LRBA: variants seen among roughly 807,000 people sequenced by gnomAD.
LRBA encodes the protein LPS responsive beige-like anchor protein, also known as lipopolysaccharide-responsive and beige-like anchor protein.
Under a neutral mutation model 330.0 loss-of-function variants are expected in LRBA, and 176 were observed. The ratio of observed to expected loss-of-function variants is 0.53; its 90% CI spans 0.47 to 0.60. The LOEUF (loss-of-function observed/expected upper bound fraction) is 0.60. Among genes scored for constraint, LRBA ranks in the 20% least tolerant of loss-of-function variants. The pLI, the probability that LRBA is intolerant of heterozygous loss-of-function variation, is 0.00. For synonymous variants in LRBA, 1,230 were observed against 1,193.0 expected (o/e 1.03, Z -0.64); for missense variants, 3,259 against 3,444.8 (o/e 0.95, Z 1.35).
At position 150,952,849 on chromosome 4, in the gene LRBA, C is replaced by T. The variant is rs535445013; in HGVS notation, c.217-23784G>A. ...GGAAGCATGGGCCTTGACCTCCTCCCAGTCTTAATGCATTCATCTTTATAT... is the reference window on the plus strand; with the variant it reads ...GGAAGCATGGGCCTTGACCTCCTCCTAGTCTTAATGCATTCATCTTTATAT... On this transcript the variant is annotated intron_variant, in intron 2 of 56. Coordinates refer to ENST00000651943, the MANE Select transcript of LRBA (RefSeq NM_001364905.1). Among the ~76,000 whole-genome samples, 5 of 152,294 alleles carry T rather than the reference C, an allele frequency of 3.3e-5. No individual in the cohort carries two copies. In the East Asian group the frequency reaches 9.6e-4, roughly 29 times the overall value.
intron 44 of LRBA, among the ~76,000 whole-genome samples, chr4:150,456,362 A>G (rs1754065686): frequency 6.6e-6 from 1 of 152,132 alleles, no homozygotes; most frequent in Admixed American, 6.6e-5. Flanking sequence ...GACATAAGCC[A>G]TTTTAATTGG....
intron 24 of LRBA, 139 bp downstream of exon 24, chr4:150,850,585 G>A (rs761520504): frequency 1.7e-4 from 83 of 483,986 alleles, no homozygotes; most frequent in Non-Finnish European, 2.7e-4. Flanking sequence ...AGTGAATTCA[G>A]TAAAACCCTA....
chr4:150,284,983 C>T (rs1447735157), intron 54 of LRBA, among the ~76,000 whole-genome samples: 1 of 152,134 alleles, frequency 6.6e-6, no homozygotes, highest in Non-Finnish European at 1.5e-5. Context: ...CATTTTACGA[C>T]TCCTGTTGGC....
intron 17 of LRBA, among the ~76,000 whole-genome samples, chr4:150,891,899 T>C (rs538369793): frequency 6.6e-6 from 1 of 152,180 alleles, no homozygotes; most frequent in Non-Finnish European, 1.5e-5. Context: ...AAGACCAGCC[T>C]AGGCAACATG....
chr4:150,483,738 C>A (rs1757562109), intron 42 of LRBA, among the ~76,000 whole-genome samples: 1 of 152,058 alleles, frequency 6.6e-6, no homozygotes. Context: ...AAACTGACAT[C>A]TTAATAATAT....
intron 31 of LRBA, among the ~76,000 whole-genome samples, chr4:150,813,645 A>G (rs981338259): frequency 2.0e-5 from 3 of 152,136 alleles, no homozygotes; most frequent in African/African-American, 7.2e-5. Flanking sequence ...ATTATTATCT[A>G]TCTAGTACTA....
chr4:150,885,200 C>CA (rs34720483), intron 17 of LRBA, among the ~76,000 whole-genome samples: 57 of 114,494 alleles, frequency 5.0e-4, no homozygotes, highest in African/African-American at 1.9e-3. Flanking sequence ...ACAAGAGTTC[C>CA]AAAAAAAAAA....
intron 46 of LRBA, chr4:150,422,987 G>T (rs995735023): frequency 3.8e-6 from 3 of 781,304 alleles, no homozygotes; most frequent in Non-Finnish European, 7.1e-6. Flanking sequence ...TGGTCCAATG[G>T]TGTATAAGTG....
At chr4:150,619,625 T>A (rs1414322820) in intron 37 of LRBA, among the ~76,000 whole-genome samples, 1 of 152,178 alleles carries the variant, frequency 6.6e-6, no homozygotes, top group Non-Finnish European at 1.5e-5. Flanking sequence ...TATAATTTTG[T>A]TATTCCTAAG....
rs565603962 is a variant in LRBA at position 150,491,624 on chromosome 4, A to AC, written c.6331-590dup. Among the ~76,000 whole-genome samples, 359 of 152,234 alleles carry AC rather than the reference A, an allele frequency of 2.4e-3. 1 individual carries two copies. The highest frequency in any genetic ancestry group is 8.2e-3 in the African/African-American group (340 of 41,556). On this transcript the variant is annotated intron_variant, in intron 40 of 56. Transcript: ENST00000651943. ...TTTTGTCAGCTAAAGCTAAACACAA[A>AC]CCTGCAAATGAACTTAGCATAATCT...
chr4:150,541,783 C>T (rs1240710826), intron 40 of LRBA, among the ~76,000 whole-genome samples: 1 of 152,128 alleles, frequency 6.6e-6, no homozygotes, highest in Non-Finnish European at 1.5e-5. Flanking sequence ...GCCTTGAACT[C>T]CTGGGCTCAA....
intron 40 of LRBA, among the ~76,000 whole-genome samples, chr4:150,559,743 A>G (rs1356901159): frequency 1.1e-5 from 1 of 89,088 alleles, no homozygotes; most frequent in Non-Finnish European, 2.0e-5. Flanking sequence ...AATATAATAT[A>G]TAATATATAT....
At chr4:150,646,575 A>G (rs1779158056) in intron 37 of LRBA, among the ~76,000 whole-genome samples, 1 of 152,120 alleles carries the variant, frequency 6.6e-6, no homozygotes, top group African/African-American at 2.4e-5. Context: ...GCACTAAAAC[A>G]TTCACCATTT....
intron 4 of LRBA, among the ~76,000 whole-genome samples, chr4:150,926,678 C>G (rs937470336): frequency 5.3e-5 from 8 of 152,040 alleles, no homozygotes; most frequent in South Asian, 2.1e-4. Flanking sequence ...AATGAAAAAC[C>G]AAGAGCATTA....
rs757130857 is a variant in LRBA at position 150,868,322 on chromosome 4, A to G, written c.2450-17T>C. On this transcript the variant is annotated splice_polypyrimidine_tract_variant and intron_variant, in intron 20 of 56. Transcript: ENST00000651943. Reference sequence around the variant, plus strand: ...TTAGTATCTCTGTAAGACAGTTTATAAATAAGTAAAAACCAAACTCAACAA... The same window carrying G: ...TTAGTATCTCTGTAAGACAGTTTATGAATAAGTAAAAACCAAACTCAACAA... The G allele has an allele frequency of 1.9e-6, 3 of 1,555,786 alleles. No homozygotes were observed.
intron 2 of LRBA, among the ~76,000 whole-genome samples, chr4:151,008,079 C>CT (rs1038898858): frequency 1.0e-3 from 145 of 143,294 alleles, no homozygotes; most frequent in Non-Finnish European, 8.6e-4. Context: ...AAGTTTTTTT[C>CT]TTTTTTTTTT....
chr4:150,565,259 C>T (rs549966305), intron 40 of LRBA, among the ~76,000 whole-genome samples: 24 of 152,130 alleles, frequency 1.6e-4, no homozygotes, highest in Non-Finnish European at 2.9e-4. Context: ...GAACCAACAC[C>T]ACATGTTCTC....
chr4:150,963,546 T>C (rs1738436605), intron 2 of LRBA, among the ~76,000 whole-genome samples: 1 of 149,388 alleles, frequency 6.7e-6, no homozygotes, highest in Non-Finnish European at 1.5e-5. Flanking sequence ...AACCTCCACC[T>C]CCCAGCCGCC....
chr4:150,383,490 G>C (rs922073777), intron 47 of LRBA, among the ~76,000 whole-genome samples: 5 of 152,114 alleles, frequency 3.3e-5, no homozygotes, highest in African/African-American at 9.7e-5. Flanking sequence ...CTGGACTCAA[G>C]TGATCCTCCT....
Sources: allele counts gnomAD v4.1 joint callset (sites outside exome capture counted in the v4.1 genomes callset), GRCh38; gene constraint gnomAD v4.1.1; transcripts MANE v1.5; gene names NCBI Gene and HGNC (gene_info 2026-07-23, HGNC 2026-07-21).